The following CLIC4 variants were observed in gnomAD, a reference collection of about 807,000 sequenced individuals.
The protein encoded by CLIC4 is chloride intracellular channel protein 4.
A neutral mutation model predicts 24.6 loss-of-function variants in CLIC4; 13 were observed. That is an observed-to-expected ratio of 0.53 (90% CI 0.34 to 0.84). The LOEUF (loss-of-function observed/expected upper bound fraction) is 0.84, where lower values mean the gene tolerates loss of function less well. Ranked by LOEUF, CLIC4 falls within the 40% of genes least tolerant of loss-of-function variation. The pLI is 0.01. For synonymous variants in CLIC4, 104 were observed against 111.3 expected (o/e 0.93, Z 0.41); for missense variants, 227 against 301.7 (o/e 0.75, Z 1.83).
intron 1 of CLIC4, among the ~76,000 whole-genome samples, chr1:24,783,924 C>CT (rs1329430584): frequency 6.6e-6 from 1 of 151,916 alleles, no homozygotes; most frequent in African/African-American, 2.4e-5. Context: ...AGTTACTGGC[C>CT]TACAGATAGC....
At chr1:24,786,687 T>G (rs1414987005) in intron 1 of CLIC4, among the ~76,000 whole-genome samples, 2 of 151,564 alleles carry the variant, frequency 1.3e-5, no homozygotes, top group East Asian at 3.9e-4. Context: ...GTGCTATCTC[T>G]GCTCACTGCA....
intron 3 of CLIC4, among the ~76,000 whole-genome samples, chr1:24,821,274 T>C (rs1267204372): frequency 6.6e-6 from 1 of 152,208 alleles, no homozygotes; most frequent in Non-Finnish European, 1.5e-5. Context: ...ATAGTAAAGT[T>C]AATATGGAAT....
chr1:24,794,299 T>A (rs1571246423), intron 1 of CLIC4, among the ~76,000 whole-genome samples: 2 of 151,736 alleles, frequency 1.3e-5, no homozygotes, highest in African/African-American at 4.8e-5. Flanking sequence ...TAATTTACAC[T>A]CCCACCAGCA....
chr1:24,781,309 A>T (rs1360885470), intron 1 of CLIC4, among the ~76,000 whole-genome samples: 2 of 140,242 alleles, frequency 1.4e-5, no homozygotes, highest in Non-Finnish European at 3.1e-5. Context: ...AAATTTTTGT[A>T]TTTTTTTTTT....
rs2124183217 is a variant in CLIC4, at chr1:24,843,770, T to C, written c.*2833T>C. On this transcript the variant is annotated 3_prime_UTR_variant, in exon 6 of 6. Transcript: ENST00000374379. ...CACTAAATGGATCAACTCTAGGATT[T>C]AGGCATGTTAACTTCTGTTGTGTTT... The C allele has an allele frequency of 6.5e-6, 1 of 152,782 alleles. No individual in the cohort carries two copies. Among genetic ancestry groups the C allele is most frequent in the African/African-American group, 2.4e-5 (1 of 41,592 alleles). The allele number at this position is 152,782 out of a possible 1,614,324, so 9.5% of individuals were successfully genotyped here. A position where few individuals can be genotyped will look rare whatever the true frequency, so the allele number is the denominator to read the frequency against.
At chr1:24,751,724 C>T (rs1459943406) in intron 1 of CLIC4, among the ~76,000 whole-genome samples, 1 of 152,086 alleles carries the variant, frequency 6.6e-6, no homozygotes, top group Non-Finnish European at 1.5e-5. Flanking sequence ...ATTAGCCGGT[C>T]GTGGTGGCGG....
chr1:24,757,998 A>G (rs998748471), intron 1 of CLIC4, among the ~76,000 whole-genome samples: 15 of 151,942 alleles, frequency 9.9e-5, no homozygotes, highest in Admixed American at 2.0e-4. Flanking sequence ...GGCTCAAGCA[A>G]TTCTCCCACC....
At chr1:24,805,206 G>A (rs1639537916) in intron 2 of CLIC4, among the ~76,000 whole-genome samples, 2 of 150,536 alleles carry the variant, frequency 1.3e-5, no homozygotes. Context: ...CAATAAAATT[G>A]ACATTAAAAG....
At chr1:24,746,012 C>G (rs1638690955) in intron 1 of CLIC4, among the ~76,000 whole-genome samples, 1 of 151,138 alleles carries the variant, frequency 6.6e-6, no homozygotes, top group Non-Finnish European at 1.5e-5. Flanking sequence ...GCCCCACCCG[C>G]TCCCCAGCGC....
chr1:24,801,328 A>C (rs1344567532), intron 2 of CLIC4, among the ~76,000 whole-genome samples: 1 of 152,202 alleles, frequency 6.6e-6, no homozygotes, highest in Admixed American at 6.5e-5. Flanking sequence ...AGTATGATAG[A>C]AGTCAAAGGG....
At chr1:24,785,643 G>A (rs999230466) in intron 1 of CLIC4, among the ~76,000 whole-genome samples, 1 of 152,106 alleles carries the variant, frequency 6.6e-6, no homozygotes, top group African/African-American at 2.4e-5. Context: ...CATGAGGTCA[G>A]GAGTTTGAGA....
At chr1:24,831,830 G>A (rs1444165500) in intron 4 of CLIC4, among the ~76,000 whole-genome samples, 1 of 152,178 alleles carries the variant, frequency 6.6e-6, no homozygotes, top group Non-Finnish European at 1.5e-5. Flanking sequence ...GTAGATACGA[G>A]GTCTCATCAT....
intron 1 of CLIC4, among the ~76,000 whole-genome samples, chr1:24,763,061 A>T (rs993494553): frequency 6.6e-6 from 1 of 152,104 alleles, no homozygotes; most frequent in African/African-American, 2.4e-5. Context: ...TTTTCATACA[A>T]CCTTCCCTCC....
At chr1:24,817,221 A>G (rs1395085196) in intron 3 of CLIC4, among the ~76,000 whole-genome samples, 1 of 152,118 alleles carries the variant, frequency 6.6e-6, no homozygotes, top group East Asian at 1.9e-4. Context: ...GATTTTCTAG[A>G]TAGATCATCA....
In CLIC4 at chr1:24,825,219, T is replaced by C. The variant is rs1419508908; in HGVS notation, c.309-1791T>C. ...ACAATTAGGTACAGCTAAATAGTGG[T>C]TGCGGAAAAGGAGAATTTGGGAAAC... is the stretch of plus-strand genomic sequence containing the variant. On this transcript the variant is annotated intron_variant, in intron 3 of 5. Transcript: ENST00000374379. Among the ~76,000 whole-genome samples the C allele has an allele frequency of 3.9e-5, 6 of 152,256 alleles. No homozygotes were observed. In the East Asian group the frequency reaches 1.2e-3, roughly 29 times the overall value.
At chr1:24,752,252 T>G (rs1638785242) in intron 1 of CLIC4, among the ~76,000 whole-genome samples, 1 of 152,172 alleles carries the variant, frequency 6.6e-6, no homozygotes, top group South Asian at 2.1e-4. Flanking sequence ...ACTGTTAATC[T>G]GTGCATATTA....
intron 1 of CLIC4, among the ~76,000 whole-genome samples, chr1:24,747,533 C>CA (rs35626709): frequency 0.87 from 80,507 of 92,652 alleles, 35,084 homozygotes; most frequent in South Asian, 0.95. Context: ...GACTCCATCT[C>CA]AAAAAAAAAA....
At chr1:24,792,182 A>G (rs1382302788) in intron 1 of CLIC4, among the ~76,000 whole-genome samples, 1 of 151,030 alleles carries the variant, frequency 6.6e-6, no homozygotes, top group Middle Eastern at 3.5e-3. Context: ...ATGTGTGTGT[A>G]TATATATAAT....
Position 24,813,044 on chromosome 1 carries a change from TTC to T in CLIC4, c.183-1048_183-1047del, listed in dbSNP as rs368209886. Among the ~76,000 whole-genome samples the T allele has an allele frequency of 1.3e-3, 158 of 118,854 alleles. 2 individuals carry two copies. The highest frequency in any genetic ancestry group is 6.0e-3 in the South Asian group (20 of 3,306). 78.0% of individuals were successfully genotyped at this position (118,854 alleles called of 152,430 possible). Reference sequence around the variant, plus strand: ...AAAATACCTTTCTTTCTTTCTTTCTTTCTTTTTTTTTTTTTTTAAGATGGAGT... The same window carrying T: ...AAAATACCTTTCTTTCTTTCTTTCTTTTTTTTTTTTTTTTTAAGATGGAGT... On this transcript the variant is annotated intron_variant, in intron 2 of 5. Coordinates refer to ENST00000374379, the MANE Select transcript of CLIC4 (RefSeq NM_013943.3).
Sources: allele counts gnomAD v4.1 joint callset (sites outside exome capture counted in the v4.1 genomes callset), GRCh38; gene constraint gnomAD v4.1.1; transcripts MANE v1.5; gene names NCBI Gene and HGNC (gene_info 2026-07-23, HGNC 2026-07-21).